Variants in ATP13A4 observed in about 807,000 individuals in gnomAD.
The protein encoded by ATP13A4 is probable cation-transporting ATPase 13A4.
ATP13A4 carries 114 observed loss-of-function variants against 142.5 expected under a neutral mutation model. The ratio of observed to expected loss-of-function variants is 0.80; its 90% CI spans 0.69 to 0.93. The LOEUF (loss-of-function observed/expected upper bound fraction) is 0.93. Ranked by LOEUF, ATP13A4 falls within the 40% of genes least tolerant of loss-of-function variation. ATP13A4 has a pLI of 0.00. For synonymous variants in ATP13A4, 488 were observed against 514.8 expected, an observed-to-expected ratio of 0.95 and a Z score of 0.70; for missense variants, 1,392 against 1,454.0, an observed-to-expected ratio of 0.96 and a Z score of 0.69.
Position 193,533,455 on chromosome 3 carries a change from A to G in ATP13A4, c.61-18584T>C, listed in dbSNP as rs142546330. ...ATGTTGCTCTAAAAAATAAAAAATT[A>G]AAAAAGCAATGAATGACATAGTGGA... On this transcript the variant is annotated intron_variant, in intron 1 of 29. Transcript: ENST00000342695. 4.0e-3 allele frequency among the ~76,000 whole-genome samples: 611 copies of G among 152,322 alleles called. 2 individuals are homozygous for G. The highest frequency in any genetic ancestry group is 6.7e-3 in the Non-Finnish European group (459 of 68,030).
At chr3:193,403,078 G>A (rs1714330071) in intron 29 of ATP13A4, among the ~76,000 whole-genome samples, 1 of 152,116 alleles carries the variant, frequency 6.6e-6, no homozygotes, top group Admixed American at 6.5e-5. Context: ...GAAGTAAGAG[G>A]TACAACATTT....
chr3:193,414,525 G>A, intron 26 of ATP13A4, 54 bp downstream of exon 26: 1 of 1,597,926 alleles, frequency 6.3e-7, no homozygotes, highest in South Asian at 1.1e-5. Context: ...TTGGCCAGAG[G>A]ATGTTTGATA....
intron 1 of ATP13A4, among the ~76,000 whole-genome samples, chr3:193,541,507 GGGACC>G: frequency 6.6e-6 from 1 of 151,958 alleles, no homozygotes; most frequent in East Asian, 1.9e-4. Context: ...ATCACCTTCA[GGGACC>G]TGAAAACTTT....
chr3:193,413,284 C>G (rs1432642255), intron 26 of ATP13A4, among the ~76,000 whole-genome samples: 4 of 152,200 alleles, frequency 2.6e-5, no homozygotes, highest in African/African-American at 4.8e-5. Flanking sequence ...ACTTTAGTCT[C>G]TTAATCCTGT....
chr3:193,456,114 C>T (rs760778154), intron 16 of ATP13A4, among the ~76,000 whole-genome samples: 1 of 151,950 alleles, frequency 6.6e-6, no homozygotes, highest in Non-Finnish European at 1.5e-5. Context: ...TACAAGAAAC[C>T]CCCATGACAC....
intron 23 of ATP13A4, 34 bp downstream of exon 23, chr3:193,438,441 A>C: frequency 1.3e-6 from 2 of 1,501,498 alleles, no homozygotes; most frequent in Non-Finnish European, 1.9e-6. Flanking sequence ...AAGTCAAGAG[A>C]GAGAAAACAA....
At chr3:193,420,855 C>A (rs1200480703) in intron 25 of ATP13A4, among the ~76,000 whole-genome samples, 1 of 148,646 alleles carries the variant, frequency 6.7e-6, no homozygotes. Flanking sequence ...TTGAAATTAC[C>A]CAGTCAGAGG....
chr3:193,484,317 A>G (rs1423841007), intron 7 of ATP13A4, among the ~76,000 whole-genome samples: 4 of 146,492 alleles, frequency 2.7e-5, no homozygotes, highest in Non-Finnish European at 4.5e-5. Flanking sequence ...CTCAAAATAA[A>G]TAAATAAATA....
At chr3:193,430,514 GGGTTGTGTGATA>G (rs1192764111) in intron 25 of ATP13A4, among the ~76,000 whole-genome samples, 1 of 152,070 alleles carries the variant, frequency 6.6e-6, no homozygotes, top group African/African-American at 2.4e-5. Flanking sequence ...ACATAAAGCA[GGGTTGTGTGATA>G]GAGAACTGGC....
intron 8 of ATP13A4, among the ~76,000 whole-genome samples, chr3:193,481,687 T>C (rs1240500411): frequency 9.9e-5 from 15 of 152,218 alleles, no homozygotes; most frequent in Admixed American, 9.8e-4. Flanking sequence ...ACTGCATGAC[T>C]TTAACAGAGA....
rs772505594 is a variant in ATP13A4 at position 193,412,245 on chromosome 3, G to T, written c.3141C>A (p.Ile1047=). 2 of 1,613,422 alleles carry T rather than the reference G, an allele frequency of 1.2e-6. No individual in the cohort carries two copies. The highest frequency in any genetic ancestry group is 1.7e-6 in the Non-Finnish European group (2 of 1,179,376). The part of the protein sequence containing the change: ...ENTTVWFLGT[I]NCITVALVFS... Reference sequence around the variant, plus strand: ...ACACAAGAGCCACAGTGATACAGTTGATTGTTCCCAAGAACCAGACTGTAG... The same window carrying T: ...ACACAAGAGCCACAGTGATACAGTTTATTGTTCCCAAGAACCAGACTGTAG... The change falls in exon 27 of 30, where the codon ATC becomes ATA. Residue 1047 remains isoleucine, a synonymous_variant. Transcript: ENST00000342695.
intron 25 of ATP13A4, among the ~76,000 whole-genome samples, chr3:193,417,954 C>T (rs1203097613): frequency 6.9e-6 from 1 of 145,022 alleles, no homozygotes; most frequent in Non-Finnish European, 1.5e-5. Flanking sequence ...AACCCCGTCT[C>T]TACTAAAAAT....
chr3:193,545,812 C>G (rs547967745), intron 1 of ATP13A4, among the ~76,000 whole-genome samples: 1 of 152,186 alleles, frequency 6.6e-6, no homozygotes, highest in South Asian at 2.1e-4. Context: ...ATTGACACAA[C>G]AACTGCCATA....
intron 1 of ATP13A4, among the ~76,000 whole-genome samples, chr3:193,589,196 G>A (rs1046926602): frequency 5.9e-5 from 9 of 152,056 alleles, no homozygotes; most frequent in East Asian, 1.9e-4. Flanking sequence ...GTGTGTGTGT[G>A]TATATAATTT....
At chr3:193,554,979 ACTC>A (rs1171404996), upstream of ATP13A4, 4 of 1,498,526 alleles carry the variant, frequency 2.7e-6, no homozygotes, top group African/African-American at 2.7e-5. Flanking sequence ...GGCAAACTGA[ACTC>A]CTCCCACGAG....
Position 193,489,575 on chromosome 3 carries a change from G to A in ATP13A4, c.738+155C>T, listed in dbSNP as rs562017256. On this transcript the variant is annotated intron_variant, in intron 7 of 29. Coordinates refer to ENST00000342695, the MANE Select transcript of ATP13A4 (RefSeq NM_032279.4). ...GGGAGGAAAGGGAAAGGACTAAATT[G>A]TTGAACACTGGTTACTGTGCTAGGT... 3.9e-5 allele frequency among the ~76,000 whole-genome samples: 6 copies of A among 152,300 alleles called. No homozygotes were observed. The South Asian group carries it at 8.3e-4, about 21-fold the overall frequency.
At chr3:193,478,216 A>G (rs1719080354) in intron 8 of ATP13A4, among the ~76,000 whole-genome samples, 3 of 152,004 alleles carry the variant, frequency 2.0e-5, no homozygotes, top group Admixed American at 2.0e-4. Context: ...TCAAGGAACT[A>G]GAGAAACAAG....
At chr3:193,483,624 C>G (rs1195098816) in intron 8 of ATP13A4, among the ~76,000 whole-genome samples, 1 of 151,994 alleles carries the variant, frequency 6.6e-6, no homozygotes, top group Non-Finnish European at 1.5e-5. Flanking sequence ...GCCACCACGC[C>G]CGGCTAATTT....
chr3:193,423,758 A>G (rs1715513185), intron 25 of ATP13A4, among the ~76,000 whole-genome samples: 1 of 149,716 alleles, frequency 6.7e-6, no homozygotes, highest in Non-Finnish European at 1.5e-5. Flanking sequence ...TTCCTTTAAA[A>G]TCTGGAACAA....
Sources: gnomAD v4.1 joint callset for allele counts (sites outside exome capture counted in the v4.1 genomes callset) on GRCh38, gnomAD v4.1.1 for gene constraint, MANE v1.5 for transcripts, NCBI Gene and HGNC (gene_info 2026-07-23, HGNC 2026-07-21) for gene names.